Variants in CEP192 observed in about 807,000 individuals in gnomAD.
CEP192 encodes the protein centrosomal protein of 192 kDa.
A neutral mutation model predicts 271.8 loss-of-function variants in CEP192; 151 were observed. The ratio of observed to expected loss-of-function variants is 0.56; its 90% CI spans 0.49 to 0.64. The LOEUF is 0.64. Ranked by LOEUF, CEP192 falls within the 30% of genes least tolerant of loss-of-function variation. CEP192 has a pLI of 0.00. For synonymous variants in CEP192, 995 were observed against 1,076.5 expected (o/e 0.92, Z 1.48); for missense variants, 2,910 against 3,020.5 (o/e 0.96, Z 0.86).
chr18:13,116,868 C>G (rs1442485853), intron 43 of CEP192, among the ~76,000 whole-genome samples: 2 of 152,104 alleles, frequency 1.3e-5, no homozygotes, highest in African/African-American at 4.8e-5. Flanking sequence ...CTCGGCCTCC[C>G]AAAGTGCTGG....
At chr18:13,109,482 G>A (rs188867875) in intron 40 of CEP192, among the ~76,000 whole-genome samples, 1 of 152,148 alleles carries the variant, frequency 6.6e-6, no homozygotes, top group Non-Finnish European at 1.5e-5. Flanking sequence ...CCTGAGCATC[G>A]TGCAGTATAC....
chr18:13,119,876 T>C (rs1479937223), intron 44 of CEP192, among the ~76,000 whole-genome samples: 1 of 152,262 alleles, frequency 6.6e-6, no homozygotes, highest in East Asian at 1.9e-4. Context: ...ATCTGTAGTT[T>C]TGATAAAGCA....
intron 27 of CEP192, among the ~76,000 whole-genome samples, chr18:13,070,184 T>G (rs1248273306): frequency 6.6e-6 from 1 of 151,966 alleles, no homozygotes; most frequent in South Asian, 2.1e-4. Flanking sequence ...AATGACAAAG[T>G]TTTACTTGTC....
At chr18:13,083,466 A>C (rs149853953) in intron 30 of CEP192, among the ~76,000 whole-genome samples, 14 of 152,240 alleles carry the variant, frequency 9.2e-5, no homozygotes, top group Non-Finnish European at 1.3e-4. Flanking sequence ...CAGCTCCATC[A>C]GGTCATTTGT....
intron 34 of CEP192, among the ~76,000 whole-genome samples, chr18:13,093,354 T>C (rs1786993): frequency 0.02 from 3,085 of 152,324 alleles, 110 homozygotes; most frequent in African/African-American, 0.071. Flanking sequence ...CTTTGCTGCT[T>C]CCTCTCTGGT....
At chr18:13,012,855 TA>T in intron 4 of CEP192, 117 bp from the exon 5 acceptor site, 1 of 600,458 alleles carries the variant, frequency 1.7e-6, no homozygotes, top group Non-Finnish European at 3.0e-6. Context: ...ATACATCATT[TA>T]AAAGTGCTTT....
chr18:13,079,071 A>G (rs1399306211), intron 30 of CEP192, among the ~76,000 whole-genome samples: 3 of 152,158 alleles, frequency 2.0e-5, no homozygotes, highest in East Asian at 1.9e-4. Context: ...AGTCTTTGCT[A>G]TTGTGAATAG....
intron 4 of CEP192, among the ~76,000 whole-genome samples, 192 bp from the exon 5 acceptor site, chr18:13,012,781 A>AT (rs945211610): frequency 4.5e-4 from 68 of 152,054 alleles, no homozygotes; most frequent in Middle Eastern, 3.2e-3. Context: ...CTTTGGTACA[A>AT]TTTTTTTTAT....
chr18:13,039,434 C>T (rs1263862143), intron 13 of CEP192, among the ~76,000 whole-genome samples: 3 of 144,354 alleles, frequency 2.1e-5, no homozygotes, highest in African/African-American at 7.8e-5. Context: ...CCAGCCTGGG[C>T]AACAGAGCGA....
chr18:13,009,014 G>GTTTTTTTTTTT (rs10586819), intron 4 of CEP192, among the ~76,000 whole-genome samples: 1 of 120,432 alleles, frequency 8.3e-6, no homozygotes. Flanking sequence ...TGGCCTTTTT[G>GTTTTTTTTTTT]TTTTTTTTTT....
At chr18:13,084,450 C>T (rs186332679) in intron 30 of CEP192, among the ~76,000 whole-genome samples, 34 of 152,204 alleles carry the variant, frequency 2.2e-4, no homozygotes, top group Non-Finnish European at 4.1e-4. Flanking sequence ...ATAAAATCTC[C>T]TGGTGTGCCG....
At chr18:13,042,932 G>C (rs1053289429) in intron 15 of CEP192, among the ~76,000 whole-genome samples, 1 of 152,182 alleles carries the variant, frequency 6.6e-6, no homozygotes, top group Non-Finnish European at 1.5e-5. Flanking sequence ...GTGTGCAAAC[G>C]TTCATATGAG....
chr18:13,071,137 C>G lies in CEP192; in HGVS notation c.5273C>G (p.Pro1758Arg), dbSNP rs773665001. ...GGAAGTAAACCTCTGTCACCTGGAC[C>G]TTGCTTAGATATTCCATCGATTTTG... Reference protein sequence around the residue: ...SSGSKPLSPGPCLDIPSILSN... With the variant: ...SSGSKPLSPGRCLDIPSILSN... The change falls in exon 28 of 45, where the codon CCT becomes CGT. Residue 1758 changes from proline to arginine, a missense_variant. Physicochemically the swap from Pro to Arg is moderately radical, Grantham distance 103. Coordinates refer to ENST00000506447, the MANE Select transcript of CEP192 (RefSeq NM_032142.4). The G allele has an allele frequency of 1.2e-6, 2 of 1,614,114 alleles. No homozygotes were observed. The highest frequency in any genetic ancestry group is 8.5e-7 in the Non-Finnish European group (1 of 1,179,970).
chr18:12,994,142 C>A (rs543460527), intron 1 of CEP192, among the ~76,000 whole-genome samples: 1 of 152,232 alleles, frequency 6.6e-6, no homozygotes, highest in East Asian at 1.9e-4. Flanking sequence ...ATAGGCAAGG[C>A]CCCTGCTCTT....
intron 32 of CEP192, 79 bp from the exon 33 acceptor site, chr18:13,089,377 T>A (rs1258395302): frequency 1.5e-6 from 1 of 662,166 alleles, no homozygotes; most frequent in Non-Finnish European, 2.5e-6. Flanking sequence ...ATTTGCCAAA[T>A]GCATTAGTGA....
intron 15 of CEP192, among the ~76,000 whole-genome samples, chr18:13,045,404 A>G (rs2036421781): frequency 6.6e-6 from 1 of 152,194 alleles, no homozygotes; most frequent in African/African-American, 2.4e-5. Context: ...GGCCAAATGT[A>G]CTGTAGTCAG....
chr18:13,045,163 A>G (rs887319719), intron 15 of CEP192, among the ~76,000 whole-genome samples: 1 of 151,964 alleles, frequency 6.6e-6, no homozygotes, highest in Non-Finnish European at 1.5e-5. Context: ...GATACTTTCA[A>G]TTTTGTTAAT....
chr18:13,114,927 CT>C (rs1318036872), intron 42 of CEP192, among the ~76,000 whole-genome samples: 1 of 152,106 alleles, frequency 6.6e-6, no homozygotes, highest in Non-Finnish European at 1.5e-5. Context: ...GCATATATAG[CT>C]TTAATGAGAA....
intron 13 of CEP192, among the ~76,000 whole-genome samples, chr18:13,039,579 A>G (rs2036094056): frequency 6.6e-6 from 1 of 152,112 alleles, no homozygotes; most frequent in Admixed American, 6.5e-5. Flanking sequence ...TATTGGAGGA[A>G]TGGAAAGCAG....
Sources: gnomAD v4.1 joint callset for allele counts (sites outside exome capture counted in the v4.1 genomes callset) on GRCh38, gnomAD v4.1.1 for gene constraint, MANE v1.5 for transcripts, NCBI Gene and HGNC (gene_info 2026-07-23, HGNC 2026-07-21) for gene names.